The following ADGRA2 variants were observed in gnomAD, a reference collection of about 807,000 sequenced individuals.
ADGRA2 encodes the protein adhesion G protein-coupled receptor A2.
A neutral mutation model predicts 98.7 loss-of-function variants in ADGRA2; 61 were observed. The ratio of observed to expected loss-of-function variants is 0.62; its 90% confidence interval spans 0.50 to 0.76. The LOEUF is 0.76. ADGRA2 is among the 30% of genes least tolerant of loss of function. ADGRA2 has a pLI of 0.00. For synonymous variants in ADGRA2, 858 were observed against 831.5 expected, an observed-to-expected ratio of 1.03 and a Z score of -0.55; for missense variants, 1,712 against 1,860.0, an observed-to-expected ratio of 0.92 and a Z score of 1.46.
intron 2 of ADGRA2, among the ~76,000 whole-genome samples, chr8:37,817,334 G>A (rs1472293955): frequency 1.3e-5 from 2 of 152,186 alleles, no homozygotes; most frequent in South Asian, 2.1e-4. Flanking sequence ...TCCGTGACTA[G>A]GTCCCTCTAA....
rs1005762234 is a variant in ADGRA2 at position 37,812,462 on chromosome 8, C to G, written c.267-2434C>G. Among the ~76,000 whole-genome samples the G allele has an allele frequency of 3.9e-5, 6 of 151,924 alleles. No homozygotes were observed. In the East Asian group the frequency reaches 7.9e-4, roughly 20 times the overall value. ...CTAACACGGTGAAACCCCGTCTCCA[C>G]TAAAAATACAAAAAATTAGCCGGGC... is the stretch of plus-strand genomic sequence containing the variant. On this transcript the variant is annotated intron_variant, in intron 1 of 18. Coordinates refer to ENST00000412232, the MANE Select transcript of ADGRA2 (RefSeq NM_032777.10).
At chr8:37,810,409 G>A (rs892164936) in intron 1 of ADGRA2, among the ~76,000 whole-genome samples, 10 of 151,914 alleles carry the variant, frequency 6.6e-5, no homozygotes, top group African/African-American at 2.2e-4. Flanking sequence ...CTTGGGAGGC[G>A]GCAGTAGGAG....
chr8:37,838,815 C>A, intron 14 of ADGRA2, 141 bp from the exon 15 acceptor site: 1 of 977,016 alleles, frequency 1.0e-6, no homozygotes, highest in Non-Finnish European at 1.5e-6. Context: ...AGTGGACAGC[C>A]CGAAGCTTTC....
At chr8:37,824,013 T>A (rs1805197254) in intron 2 of ADGRA2, among the ~76,000 whole-genome samples, 1 of 152,190 alleles carries the variant, frequency 6.6e-6, no homozygotes. Context: ...TTTCACTTTC[T>A]TGATGATATC....
chr8:37,815,611 G>C (rs1804958136), intron 2 of ADGRA2, among the ~76,000 whole-genome samples: 3 of 152,232 alleles, frequency 2.0e-5, no homozygotes, highest in Admixed American at 2.0e-4. Flanking sequence ...GGTTATCGAG[G>C]AGGAGCTGGT....
rs758456574 is a variant in ADGRA2, at chr8:37,833,128, G to A, written c.1216G>A (p.Ala406Thr). The A allele has an allele frequency of 3.1e-6, 5 of 1,613,050 alleles. No individual in the cohort carries two copies. Among genetic ancestry groups the A allele is most frequent in the Admixed American group, 1.7e-5 (1 of 59,998 alleles). Residue 406 changes from alanine (A) to threonine (T), a missense_variant, in exon 9 of 19, where the codon GCC (alanine) becomes ACC (threonine). Physicochemically the swap from Ala to Thr is moderately conservative, Grantham distance 58. Coordinates refer to ENST00000412232, the MANE Select transcript of ADGRA2 (RefSeq NM_032777.10). ...CCGAGCCTCCCGCCGGTGTGACCGTGCCGGCCGCTGGGAGCCAGGGGACTA... is the reference window on the plus strand; with the variant it reads ...CCGAGCCTCCCGCCGGTGTGACCGTACCGGCCGCTGGGAGCCAGGGGACTA... ...GTRASRRCDR[A>T]GRWEPGDYSH...
chr8:37,832,312 C>T (rs1427920062), intron 8 of ADGRA2, among the ~76,000 whole-genome samples: 1 of 151,894 alleles, frequency 6.6e-6, no homozygotes, highest in Non-Finnish European at 1.5e-5. Context: ...CTTGGCCTCC[C>T]GAAGTGCCAG....
chr8:37,815,907 G>A (rs72641963), intron 2 of ADGRA2, among the ~76,000 whole-genome samples: 3,706 of 152,312 alleles, frequency 0.024, 71 homozygotes, highest in Non-Finnish European at 0.04. Context: ...CCTGACTCTT[G>A]CTTTCTCTCT....
At position 37,797,530 on chromosome 8, in the gene ADGRA2, A is replaced by G; in HGVS notation, c.262A>G (p.Thr88Ala). The change falls in exon 1 of 19, where the codon ACC (threonine) becomes GCC (alanine). Residue 88 changes from threonine to alanine, a missense_variant. Thr to Ala is a moderately conservative substitution (Grantham distance 58). Coordinates refer to ENST00000412232, the MANE Select transcript of ADGRA2 (RefSeq NM_032777.10). The surrounding 1 kb of genome is among the most constrained non-coding windows in gnomAD (Gnocchi z 5.3). ...EPGLLPNGTV[T>A]LLLSNNKITG... is the part of the protein sequence containing the mutation. Reference sequence around the variant, plus strand: ...CGGCCTTCTGCCTAACGGCACCGTTACCCTGTGAGTACCCTACCAGGCCAG... The same window carrying G: ...CGGCCTTCTGCCTAACGGCACCGTTGCCCTGTGAGTACCCTACCAGGCCAG... 7.2e-7 allele frequency: 1 copy of G among 1,393,284 alleles called. No homozygotes were observed. Among genetic ancestry groups the G allele is most frequent in the South Asian group, 1.8e-5 (1 of 54,294 alleles). The allele number at this position is 1,393,284 out of a possible 1,614,324, so 86.3% of individuals were successfully genotyped here.
rs368700313 is a variant in ADGRA2 at position 37,829,247 on chromosome 8, C to G, written c.411-14C>G. ...CACGTGGCCAACATGCTGAGGTTGC[C>G]TGTGTCTCTCTAGAGATCTCTCCAA... On this transcript the variant is annotated splice_polypyrimidine_tract_variant and intron_variant, in intron 3 of 18. Transcript: ENST00000412232. The G allele has an allele frequency of 5.9e-5, 95 of 1,610,728 alleles. No homozygotes were observed. Among genetic ancestry groups the G allele is most frequent in the Non-Finnish European group, 7.9e-5 (93 of 1,177,210 alleles).
intron 2 of ADGRA2, among the ~76,000 whole-genome samples, chr8:37,823,350 C>T (rs1027963204): frequency 6.6e-6 from 1 of 151,882 alleles, no homozygotes; most frequent in Non-Finnish European, 1.5e-5. Flanking sequence ...TACAGGCACG[C>T]ACCACCATGC....
intron 13 of ADGRA2, among the ~76,000 whole-genome samples, chr8:37,836,871 C>T (rs902217178): frequency 3.4e-5 from 5 of 149,230 alleles, no homozygotes; most frequent in Non-Finnish European, 5.9e-5. Flanking sequence ...GTTCCTAGCA[C>T]AGACTCTTGC....
chr8:37,811,186 T>TTTTTTG (rs1804822121), intron 1 of ADGRA2, among the ~76,000 whole-genome samples: 1 of 146,988 alleles, frequency 6.8e-6, no homozygotes. Context: ...TTTTTTTTTT[T>TTTTTTG]GAGACGGAGT....
rs1563348208 is a variant in ADGRA2, at chr8:37,830,679, C to A, written c.719-31C>A. On this transcript the variant is annotated intron_variant, in intron 6 of 18. Transcript: ENST00000412232. This position sits in a 1 kb window ranked among gnomAD's most constrained non-coding sequence, Gnocchi z 4.8. Reference sequence around the variant, plus strand: ...GTGCAGCCTCACATGCGTGTGCACTCGGGCCTCACGCCTGGTGTCTCCTCC... The same window carrying A: ...GTGCAGCCTCACATGCGTGTGCACTAGGGCCTCACGCCTGGTGTCTCCTCC... 2.2e-6 allele frequency: 3 copies of A among 1,368,396 alleles called. No individual in the cohort carries two copies. Among genetic ancestry groups the A allele is most frequent in the Non-Finnish European group, 3.0e-6 (3 of 1,004,518 alleles). The allele number at this position is 1,368,396 out of a possible 1,614,324, so 84.8% of individuals were successfully genotyped here. A position where few individuals can be genotyped will look rare whatever the true frequency, so the allele number is the denominator to read the frequency against.
intron 14 of ADGRA2, among the ~76,000 whole-genome samples, chr8:37,838,144 G>A (rs930101243): frequency 3.9e-5 from 6 of 152,252 alleles, no homozygotes; most frequent in South Asian, 2.1e-4. Context: ...AGGGAGGTCC[G>A]GCCTCCATGC....
Position 37,837,858 on chromosome 8 carries a change from G to A in ADGRA2, c.2178G>A (p.Ser726=), listed in dbSNP as rs1468607190. The change falls in exon 14 of 19, where the codon TCG becomes TCA. Residue 726 remains serine (S), a synonymous_variant. Coordinates refer to ENST00000412232, the MANE Select transcript of ADGRA2 (RefSeq NM_032777.10). The part of the protein sequence containing the change: ...EGPGEAGGWT[S]EGCQLRSSQP... ...CCGGGGAGGCTGGGGGCTGGACCTC[G>A]GAGGGCTGCCAGCTCCGCTCCAGCC... 4 of 1,508,090 alleles carry A rather than the reference G, an allele frequency of 2.7e-6. No individual in the cohort carries two copies. Among genetic ancestry groups the A allele is most frequent in the South Asian group, 1.3e-5 (1 of 75,692 alleles). 93.4% of individuals were successfully genotyped at this position (1,508,090 alleles called of 1,614,324 possible). A position where few individuals can be genotyped will look rare whatever the true frequency, so the allele number is the denominator to read the frequency against.
chr8:37,810,310 A>G (rs1258828978), intron 1 of ADGRA2, among the ~76,000 whole-genome samples: 4 of 151,814 alleles, frequency 2.6e-5, no homozygotes, highest in Non-Finnish European at 5.9e-5. Context: ...AGAGATCGAG[A>G]CCATCCTGGC....
intron 2 of ADGRA2, among the ~76,000 whole-genome samples, chr8:37,827,979 A>AT (rs58598759): frequency 0.16 from 23,992 of 150,354 alleles, 2,301 homozygotes; most frequent in Middle Eastern, 0.37. Flanking sequence ...ACCAAAAAAA[A>AT]TTTTTTTTTT....
At chr8:37,820,233 A>C (rs1434866610) in intron 2 of ADGRA2, among the ~76,000 whole-genome samples, 1 of 152,216 alleles carries the variant, frequency 6.6e-6, no homozygotes, top group East Asian at 1.9e-4. Context: ...AAATACCTGC[A>C]CAGCGACATC....
Sources: gnomAD v4.1 joint callset for allele counts (sites outside exome capture counted in the v4.1 genomes callset) on GRCh38, gnomAD v4.1.1 for gene constraint, Gnocchi (gnomAD v3.1) non-coding constraint, MANE v1.5 for transcripts, NCBI Gene and HGNC (gene_info 2026-07-23, HGNC 2026-07-21) for gene names.